The following ACBD5 variants were observed in gnomAD, a reference collection of about 807,000 sequenced individuals.
ACBD5 encodes the protein acyl-CoA binding domain containing 5.
A neutral mutation model predicts 71.8 loss-of-function variants in ACBD5; 40 were observed. That is an observed-to-expected ratio of 0.56 (90% CI 0.43 to 0.72). The LOEUF is 0.72. ACBD5 is among the 30% of genes least tolerant of loss of function. ACBD5 has a pLI of 0.00. For synonymous variants in ACBD5, 229 were observed against 218.6 expected (o/e 1.05, Z -0.42); for missense variants, 559 against 644.5 (o/e 0.87, Z 1.44).
intron 4 of ACBD5, among the ~76,000 whole-genome samples, chr10:27,225,101 C>CTA (rs1355771428): frequency 7.1e-6 from 1 of 140,772 alleles, no homozygotes; most frequent in African/African-American, 2.7e-5. Context: ...TTGGAGACAG[C>CTA]GTCTCGCTCC....
chr10:27,194,428 T>G (rs1034538542), downstream of ACBD5, among the ~76,000 whole-genome samples: 17 of 148,892 alleles, frequency 1.1e-4, no homozygotes, highest in African/African-American at 4.2e-4. Flanking sequence ...CTAGCCAACA[T>G]GGCAAAACCC....
chr10:27,189,297 G>A (rs1296829402), intron 13 of ACBD5, among the ~76,000 whole-genome samples: 4 of 152,174 alleles, frequency 2.6e-5, no homozygotes, highest in Non-Finnish European at 4.4e-5. Flanking sequence ...AAAATGCTGG[G>A]ATTACAGGCG....
At chr10:27,209,701 GT>G (rs1160996417) in intron 9 of ACBD5, among the ~76,000 whole-genome samples, 3 of 152,136 alleles carry the variant, frequency 2.0e-5, no homozygotes, top group Non-Finnish European at 4.4e-5. Context: ...TTAAGATTTT[GT>G]TATATATTCA....
intron 11 of ACBD5, 46 bp downstream of exon 11, chr10:27,205,152 A>C (rs777687455): frequency 3.7e-5 from 59 of 1,577,632 alleles, no homozygotes; most frequent in Admixed American, 5.0e-5. Flanking sequence ...CAACAACAAA[A>C]AACATATGAA....
chr10:27,218,103 C>G lies in ACBD5; in HGVS notation c.706G>C (p.Val236Leu), dbSNP rs750849570. The G allele has an allele frequency of 1.2e-6, 2 of 1,614,098 alleles. No individual in the cohort carries two copies. The highest frequency in any genetic ancestry group is 2.2e-5 in the South Asian group (2 of 91,078). Reference sequence around the variant, plus strand: ...TGAATGTCATTCTGTATATCCTGAACAAAGCCATCTTTATCATAGCCATTA... The same window carrying G: ...TGAATGTCATTCTGTATATCCTGAAGAAAGCCATCTTTATCATAGCCATTA... ...VTNGYDKDGF[V>L]QDIQNDIHAS... Residue 236 changes from valine to leucine, a missense_variant, in exon 7 of 13, where the codon GTT (valine) becomes CTT (leucine). Coordinates refer to ENST00000396271, the MANE Select transcript of ACBD5 (RefSeq NM_145698.5).
At chr10:27,220,198 C>A (rs1032587139) in intron 5 of ACBD5, among the ~76,000 whole-genome samples, 2 of 152,096 alleles carry the variant, frequency 1.3e-5, no homozygotes, top group Non-Finnish European at 2.9e-5. Context: ...ATGCTGAAAA[C>A]AAAAATATGT....
downstream of ACBD5, among the ~76,000 whole-genome samples, chr10:27,190,829 G>A (rs539236329): frequency 2.0e-5 from 3 of 152,284 alleles, no homozygotes; most frequent in East Asian, 5.8e-4. Context: ...GGAGCAACAG[G>A]ACTTTACTGA....
In ACBD5 at chr10:27,235,620, T is replaced by C. The variant is rs987278288; in HGVS notation, c.182-408A>G. ...CTAGTGTAAGTGAAAAAGTTATATG[T>C]ATACTCTGCCAAATTTCAAATTCTC... On this transcript the variant is annotated intron_variant, in intron 2 of 12. Transcript: ENST00000396271. Among the ~76,000 whole-genome samples, 9 of 152,342 alleles carry C rather than the reference T, an allele frequency of 5.9e-5. No individual in the cohort carries two copies. The East Asian group carries it at 1.7e-3, about 29-fold the overall frequency.
At chr10:27,228,807 A>ATTTTTTTTTTTTTTTTT (rs1564691136) in intron 4 of ACBD5, among the ~76,000 whole-genome samples, 1 of 6,812 alleles carries the variant, frequency 1.5e-4, no homozygotes, top group African/African-American at 2.2e-4. Context: ...ATATATATAT[A>ATTTTTTTTTTTTTTTTT]TATATATATT....
At chr10:27,186,924 G>C (rs909035026) in intron 13 of ACBD5, 3 of 245,032 alleles carry the variant, frequency 1.2e-5, no homozygotes, top group African/African-American at 6.9e-5. Flanking sequence ...AGTTCCATTT[G>C]ATTGTAATTT....
Position 27,183,490 on chromosome 10 carries a change from G to A in ACBD5, c.1494-775C>T, listed in dbSNP as rs2058447993. On this transcript the variant is annotated intron_variant, in intron 13 of 13. Transcript: ENST00000676511. ...AGTAGAGATGGGGTTTCACCATGTTGGCCAGGATGGTCTCGATCTCTTGAC... is the reference window on the plus strand; with the variant it reads ...AGTAGAGATGGGGTTTCACCATGTTAGCCAGGATGGTCTCGATCTCTTGAC... Among the ~76,000 whole-genome samples the A allele has an allele frequency of 2.0e-5, 3 of 151,966 alleles. No homozygotes were observed. The South Asian group carries it at 6.2e-4, about 32-fold the overall frequency.
intron 7 of ACBD5, among the ~76,000 whole-genome samples, chr10:27,216,981 T>TA (rs1431649373): frequency 6.7e-6 from 1 of 150,126 alleles, no homozygotes; most frequent in East Asian, 2.0e-4. Context: ...CCCGTCTCAC[T>TA]AAAAAATACA....
intron 3 of ACBD5, 88 bp from the exon 4 acceptor site, chr10:27,231,908 C>T (rs1589343656): frequency 1.6e-6 from 2 of 1,251,016 alleles, no homozygotes; most frequent in East Asian, 4.7e-5. Flanking sequence ...TATAGGGTTA[C>T]TAATTAAAAC....
At chr10:27,191,444 A>T (rs2059072639), downstream of ACBD5, among the ~76,000 whole-genome samples, 1 of 152,112 alleles carries the variant, frequency 6.6e-6, no homozygotes, top group Non-Finnish European at 1.5e-5. Flanking sequence ...TGATATGTCC[A>T]TGTTGGTTCA....
chr10:27,233,514 T>C lies in ACBD5; in HGVS notation c.302+1578A>G, dbSNP rs528509315. ...AGGTGGATCACTTGAGACCAGGAAT[T>C]TGAGACCAGCCTGGGCAACACATGC... On this transcript the variant is annotated intron_variant, in intron 3 of 12. Coordinates refer to ENST00000396271, the MANE Select transcript of ACBD5 (RefSeq NM_145698.5). 4.0e-5 allele frequency among the ~76,000 whole-genome samples: 6 copies of C among 151,576 alleles called. No individual in the cohort carries two copies. The South Asian group carries it at 1.3e-3, about 32-fold the overall frequency.
intron 5 of ACBD5, 83 bp from the exon 6 acceptor site, chr10:27,219,940 C>T: frequency 1.6e-6 from 2 of 1,244,324 alleles, no homozygotes; most frequent in Non-Finnish European, 2.2e-6. Flanking sequence ...ATAAAATTTA[C>T]AAATAACTAA....
At chr10:27,183,881 T>C (rs1456075334) in intron 13 of ACBD5, among the ~76,000 whole-genome samples, 1 of 152,082 alleles carries the variant, frequency 6.6e-6, no homozygotes, top group Non-Finnish European at 1.5e-5. Context: ...CCAGCTAATT[T>C]TTGTATTTTT....
Position 27,218,033 on chromosome 10 carries a change from G to T in ACBD5, c.776C>A (p.Pro259His), listed in dbSNP as rs1222748823. Residue 259 changes from proline to histidine, a missense_variant, in exon 7 of 13, where the codon CCC becomes CAC. Physicochemically the swap from Pro to His is moderately conservative, Grantham distance 77 (BLOSUM62 -2). Transcript: ENST00000396271. ...AGTTTGCCCCAAGTTTTCATCAATG[G>T]GCTTTACTTCTTCAGTGCTTCTGCC... ...LNGRSTEEVK[P>H]IDENLGQTGK... 6.2e-7 allele frequency: 1 copy of T among 1,614,056 alleles called. No individual in the cohort carries two copies. Among genetic ancestry groups the T allele is most frequent in the Admixed American group, 1.7e-5 (1 of 60,002 alleles).
At chr10:27,226,906 G>A (rs550944126) in intron 4 of ACBD5, among the ~76,000 whole-genome samples, 9 of 151,520 alleles carry the variant, frequency 5.9e-5, no homozygotes, top group Admixed American at 1.3e-4. Flanking sequence ...CACCCACCTC[G>A]GCCTCCCAAA....
Sources: gnomAD v4.1 joint callset for allele counts (sites outside exome capture counted in the v4.1 genomes callset) on GRCh38, gnomAD v4.1.1 for gene constraint, MANE v1.5 for transcripts, NCBI Gene and HGNC (gene_info 2026-07-23, HGNC 2026-07-21) for gene names.